Variants in ADAMTS19 observed in about 807,000 individuals in gnomAD.
The protein encoded by ADAMTS19 is ADAM metallopeptidase with thrombospondin type 1 motif 19, also known as A disintegrin and metalloproteinase with thrombospondin motifs 19.
ADAMTS19 carries 93 observed loss-of-function variants against 153.3 expected under a neutral mutation model. That is an observed-to-expected ratio of 0.61 (90% confidence interval 0.51 to 0.72). The LOEUF is 0.72. Ranked by LOEUF, ADAMTS19 falls within the 30% of genes least tolerant of loss-of-function variation. The pLI is 0.00. For synonymous variants in ADAMTS19, 600 were observed against 556.6 expected (o/e 1.08, Z -1.10); for missense variants, 1,482 against 1,552.1 (o/e 0.95, Z 0.76).
At chr5:129,563,369 T>G (rs1753591179) in intron 7 of ADAMTS19, among the ~76,000 whole-genome samples, 1 of 152,186 alleles carries the variant, frequency 6.6e-6, no homozygotes. Context: ...ATATTACATA[T>G]TTTTAAGCCT....
chr5:129,620,505 T>G, intron 8 of ADAMTS19, 113 bp from the exon 9 acceptor site: 1 of 701,656 alleles, frequency 1.4e-6, no homozygotes, highest in Non-Finnish European at 2.0e-6. Context: ...TTAAAACAAA[T>G]TTGGCCCCCA....
At chr5:129,501,177 T>C (rs771310134) in intron 2 of ADAMTS19, among the ~76,000 whole-genome samples, 3 of 151,910 alleles carry the variant, frequency 2.0e-5, no homozygotes, top group Non-Finnish European at 4.4e-5. Flanking sequence ...TCAGAAAAGA[T>C]TGTAGGAAAG....
Position 129,461,812 on chromosome 5 carries a change from C to CCATA in ADAMTS19, c.747+56_747+59dup. 6.8e-7 allele frequency: 1 copy of CCATA among 1,467,522 alleles called. No individual in the cohort carries two copies. Among genetic ancestry groups the CCATA allele is most frequent in the Non-Finnish European group, 8.9e-7 (1 of 1,118,854 alleles). The allele number at this position is 1,467,522 out of a possible 1,614,324, so 90.9% of individuals were successfully genotyped here. The stretch of plus-strand genomic sequence containing the variant: ...TTTCCCCTGCTGCTCCTCTCCTTGC[C>CCATA]CATAGGTCAGGATGATTTGCATGCA... On this transcript the variant is annotated intron_variant, in intron 2 of 22. Transcript: ENST00000274487. The surrounding 1 kb of genome is among the most constrained non-coding windows in gnomAD (Gnocchi z 4.6).
At chr5:129,703,689 G>A (rs1330726076) in intron 20 of ADAMTS19, among the ~76,000 whole-genome samples, 2 of 152,022 alleles carry the variant, frequency 1.3e-5, no homozygotes, top group Non-Finnish European at 2.9e-5. Flanking sequence ...CCAAGATCAC[G>A]CTACTGCACT....
intron 3 of ADAMTS19, 28 bp from the exon 4 acceptor site, chr5:129,526,256 C>T: frequency 6.6e-7 from 1 of 1,524,628 alleles, no homozygotes; most frequent in Non-Finnish European, 8.8e-7. Context: ...TATGAAGGTG[C>T]ATTGAAAAAT....
At chr5:129,553,274 C>T (rs752589766) in intron 7 of ADAMTS19, among the ~76,000 whole-genome samples, 4 of 152,072 alleles carry the variant, frequency 2.6e-5, no homozygotes, top group Non-Finnish European at 5.9e-5. Context: ...GCTATACACA[C>T]GAACTGACTC....
intron 8 of ADAMTS19, among the ~76,000 whole-genome samples, chr5:129,617,512 T>C (rs1157366766): frequency 6.6e-6 from 1 of 152,046 alleles, no homozygotes; most frequent in Non-Finnish European, 1.5e-5. Flanking sequence ...GAAAGACTAG[T>C]TACCCTTCAA....
intron 14 of ADAMTS19, among the ~76,000 whole-genome samples, chr5:129,655,687 C>G (rs1561630534): frequency 6.6e-6 from 1 of 152,078 alleles, no homozygotes. Context: ...AAAACAATTT[C>G]AAGCTATGAA....
At chr5:129,622,077 C>A in intron 9 of ADAMTS19, 121 bp from the exon 10 acceptor site, 1 of 897,358 alleles carries the variant, frequency 1.1e-6, no homozygotes, top group Non-Finnish European at 1.7e-6. Flanking sequence ...TATGAGTATT[C>A]AATGGAAGAG....
At chr5:129,527,681 G>A (rs368487380) in intron 4 of ADAMTS19, 67 bp from the exon 5 acceptor site, 1 of 775,076 alleles carries the variant, frequency 1.3e-6, no homozygotes, top group African/African-American at 1.9e-5. Context: ...CTCCATGTAT[G>A]GGCCTTGAGA....
intron 7 of ADAMTS19, among the ~76,000 whole-genome samples, chr5:129,558,600 A>G (rs1348781870): frequency 6.6e-6 from 1 of 152,116 alleles, no homozygotes; most frequent in East Asian, 1.9e-4. Flanking sequence ...AATACAATGC[A>G]TTCCATTAAA....
intron 10 of ADAMTS19, among the ~76,000 whole-genome samples, chr5:129,624,110 G>A (rs1335237294): frequency 8.7e-6 from 1 of 115,202 alleles, no homozygotes; most frequent in Admixed American, 1.1e-4. Context: ...CTGGACTACA[G>A]AGTGAGGCTC....
chr5:129,682,963 A>G (rs189794289), intron 17 of ADAMTS19, among the ~76,000 whole-genome samples: 107 of 152,254 alleles, frequency 7.0e-4, no homozygotes, highest in African/African-American at 2.5e-3. Flanking sequence ...CAATTTTCCT[A>G]TGGAATGTTA....
chr5:129,686,827 A>G (rs939223357), intron 18 of ADAMTS19, among the ~76,000 whole-genome samples: 1 of 152,168 alleles, frequency 6.6e-6, no homozygotes, highest in Non-Finnish European at 1.5e-5. Flanking sequence ...AGTGGTTACA[A>G]CAAAAACATT....
chr5:129,698,313 G>A (rs1167196335), intron 19 of ADAMTS19, among the ~76,000 whole-genome samples: 3 of 152,200 alleles, frequency 2.0e-5, no homozygotes, highest in Non-Finnish European at 4.4e-5. Context: ...ACCTTTCCAA[G>A]ACTTACTGGA....
intron 6 of ADAMTS19, among the ~76,000 whole-genome samples, chr5:129,551,096 C>T (rs926619627): frequency 2.6e-5 from 4 of 151,590 alleles, no homozygotes; most frequent in African/African-American, 9.7e-5. Flanking sequence ...ATTATTACTA[C>T]CTCTATCTTT....
intron 14 of ADAMTS19, among the ~76,000 whole-genome samples, chr5:129,656,761 C>T (rs1753564076): frequency 6.6e-6 from 1 of 152,062 alleles, no homozygotes; most frequent in Admixed American, 6.6e-5. Flanking sequence ...ATGTCTATTC[C>T]TTACTTTTAC....
intron 6 of ADAMTS19, among the ~76,000 whole-genome samples, chr5:129,537,274 C>G (rs984413470): frequency 4.6e-5 from 7 of 152,030 alleles, no homozygotes; most frequent in Non-Finnish European, 8.8e-5. Flanking sequence ...GGTCAGGAAA[C>G]AACAGGTGCT....
chr5:129,491,873 A>G (rs1476855674), intron 2 of ADAMTS19, among the ~76,000 whole-genome samples: 1 of 152,236 alleles, frequency 6.6e-6, no homozygotes, highest in Non-Finnish European at 1.5e-5. Flanking sequence ...AAAACTCACA[A>G]TATTTGCATT....
Sources: gnomAD v4.1 joint callset for allele counts (sites outside exome capture counted in the v4.1 genomes callset) on GRCh38, gnomAD v4.1.1 for gene constraint, Gnocchi (gnomAD v3.1) non-coding constraint, MANE v1.5 for transcripts, NCBI Gene and HGNC (gene_info 2026-07-23, HGNC 2026-07-21) for gene names.